Variants in COPG2 observed in about 807,000 individuals in gnomAD.
The protein encoded by COPG2 is coat protein complex I subunit gamma 2.
COPG2 carries 37 observed loss-of-function variants against 46.3 expected under a neutral mutation model. The observed-to-expected ratio is 0.80, with a 90% CI of 0.61 to 1.05. COPG2 has a LOEUF of 1.05. Among genes scored for constraint, COPG2 ranks in the 50% least tolerant of loss-of-function variants. COPG2 has a pLI of 0.00. For synonymous variants in COPG2, 159 were observed against 129.7 expected (o/e 1.23, Z -1.53); for missense variants, 427 against 387.8 (o/e 1.10, Z -0.85).
Position 130,611,067 on chromosome 7 carries a change from C to G in COPG2, c.623G>C (p.Arg208Pro). Residue 208 changes from arginine to proline, a missense_variant, in exon 9 of 24, where the codon CGA (arginine) becomes CCA (proline). Coordinates refer to ENST00000425248, the MANE Select transcript of COPG2 (RefSeq NM_012133.6). ...GVLYHLRKND[R>P]LAVSKMLNKF... Reference sequence around the variant, plus strand: ...ATTCAACATCTTGGAAACAGCAAGTCGATCATTCTTTCTAAGGTGATACAG... The same window carrying G: ...ATTCAACATCTTGGAAACAGCAAGTGGATCATTCTTTCTAAGGTGATACAG... 1 of 1,613,610 alleles carries G rather than the reference C, an allele frequency of 6.2e-7. No individual in the cohort carries two copies. The highest frequency in any genetic ancestry group is 8.5e-7 in the Non-Finnish European group (1 of 1,179,776).
At chr7:130,614,812 GGGAA>G (rs1794919167) in intron 6 of COPG2, among the ~76,000 whole-genome samples, 1 of 152,158 alleles carries the variant, frequency 6.6e-6, no homozygotes, top group Non-Finnish European at 1.5e-5. Context: ...ATATTTCATA[GGGAA>G]GTTGAAGATC....
chr7:130,533,986 T>TA (rs1554442525), intron 20 of COPG2, among the ~76,000 whole-genome samples: 3 of 119,860 alleles, frequency 2.5e-5, no homozygotes, highest in South Asian at 6.1e-4. Context: ...TGGGGTGGGG[T>TA]GGGGGGGGTG....
At chr7:130,652,288 A>C (rs11762817) in intron 5 of COPG2, among the ~76,000 whole-genome samples, 29,438 of 152,172 alleles carry the variant, frequency 0.19, 3,037 homozygotes, top group Middle Eastern at 0.25. Flanking sequence ...AAATGTTGCT[A>C]AATTACTTTC....
chr7:130,571,792 C>T lies in COPG2; in HGVS notation c.738-7399G>A, dbSNP rs551187867. On this transcript the variant is annotated intron_variant, in intron 9 of 23. Transcript: ENST00000425248. ...CACAATTGCAGAAATATGGAACCAGCCCAAATGCCCATCAATCAATAAGTA... is the reference window on the plus strand; with the variant it reads ...CACAATTGCAGAAATATGGAACCAGTCCAAATGCCCATCAATCAATAAGTA... 5.9e-5 allele frequency among the ~76,000 whole-genome samples: 9 copies of T among 152,136 alleles called. No individual in the cohort carries two copies. The East Asian group carries it at 1.5e-3, about 26-fold the overall frequency.
At chr7:130,653,174 C>A (rs1795782046) in intron 4 of COPG2, among the ~76,000 whole-genome samples, 1 of 152,036 alleles carries the variant, frequency 6.6e-6, no homozygotes, top group East Asian at 1.9e-4. Flanking sequence ...CTTAAAAATT[C>A]AATTATATGG....
chr7:130,666,975 T>A, intron 2 of COPG2, 46 bp from the exon 3 acceptor site: 1 of 1,005,544 alleles, frequency 9.9e-7, no homozygotes. Flanking sequence ...ACCTTTTCTA[T>A]CACAGATTAT....
chr7:130,528,276 T>C (rs2116355114), intron 20 of COPG2, among the ~76,000 whole-genome samples: 1 of 151,812 alleles, frequency 6.6e-6, no homozygotes, highest in South Asian at 2.1e-4. Flanking sequence ...AGGTAGGAAA[T>C]TCACAGGCGC....
At chr7:130,561,776 C>T (rs1035779481) in intron 11 of COPG2, among the ~76,000 whole-genome samples, 16 of 152,294 alleles carry the variant, frequency 1.1e-4, no homozygotes, top group African/African-American at 3.9e-4. Context: ...TCTGAAAACA[C>T]TCTGGAAAGC....
chr7:130,663,093 T>C, intron 3 of COPG2, 55 bp from the exon 4 acceptor site: 2 of 932,918 alleles, frequency 2.1e-6, no homozygotes, highest in Non-Finnish European at 3.2e-6. Flanking sequence ...TTCATATATA[T>C]GTACATATAC....
At chr7:130,573,122 T>A (rs1793936920) in intron 9 of COPG2, among the ~76,000 whole-genome samples, 1 of 151,396 alleles carries the variant, frequency 6.6e-6, no homozygotes, top group Non-Finnish European at 1.5e-5. Context: ...AATGGAAAAA[T>A]TCCTAGAAAT....
chr7:130,539,880 G>A (rs1041104707), intron 20 of COPG2, among the ~76,000 whole-genome samples: 1 of 152,216 alleles, frequency 6.6e-6, no homozygotes. Flanking sequence ...GGAGTGCTCA[G>A]GGCAGCCTGC....
At chr7:130,542,363 G>A (rs1378465561) in intron 20 of COPG2, among the ~76,000 whole-genome samples, 5 of 151,938 alleles carry the variant, frequency 3.3e-5, no homozygotes, top group African/African-American at 1.2e-4. Context: ...ATGGCGAGAC[G>A]ATGGAAGGCC....
chr7:130,593,417 A>T (rs1355917871), intron 9 of COPG2, among the ~76,000 whole-genome samples: 1 of 152,262 alleles, frequency 6.6e-6, no homozygotes, highest in African/African-American at 2.4e-5. Flanking sequence ...TCCCTGATGA[A>T]ATTATATAGA....
In COPG2 at chr7:130,655,821, T is replaced by C. The variant is rs569999893; in HGVS notation, c.244-2873A>G. On this transcript the variant is annotated intron_variant, in intron 4 of 23. Transcript: ENST00000425248. The stretch of plus-strand genomic sequence containing the variant: ...CTGTTATGTCATAAATTTTGTTTGA[T>C]TTTCTAGGTATTTATAGTAGCAGGG... Among the ~76,000 whole-genome samples the C allele has an allele frequency of 3.9e-5, 6 of 152,352 alleles. No individual in the cohort carries two copies. The South Asian group carries it at 1.2e-3, about 32-fold the overall frequency.
chr7:130,583,409 G>A (rs1318408680), intron 9 of COPG2, among the ~76,000 whole-genome samples: 1 of 147,896 alleles, frequency 6.8e-6, no homozygotes, highest in East Asian at 2.0e-4. Flanking sequence ...TGACGAGTTA[G>A]TGGGTGCAGT....
chr7:130,632,842 C>T (rs1795256815), intron 5 of COPG2, among the ~76,000 whole-genome samples: 1 of 151,856 alleles, frequency 6.6e-6, no homozygotes, highest in Non-Finnish European at 1.5e-5. Flanking sequence ...TTTGCTGCAC[C>T]CATCAACCTG....
Position 130,667,471 on chromosome 7 carries a change from C to T in COPG2, c.90+11G>A, listed in dbSNP as rs782730979. 5 of 1,611,016 alleles carry T rather than the reference C, an allele frequency of 3.1e-6. No homozygotes were observed. Among genetic ancestry groups the T allele is most frequent in the Non-Finnish European group, 4.2e-6 (5 of 1,177,396 alleles). The stretch of plus-strand genomic sequence containing the variant: ...AGAAAAGAAAGGGCACAAGATACTT[C>T]CCAGTCATACCTCCTGTAAAACAGC... On this transcript the variant is annotated intron_variant, in intron 2 of 23. Coordinates refer to ENST00000425248, the MANE Select transcript of COPG2 (RefSeq NM_012133.6).
chr7:130,609,824 T>C (rs1794806949), intron 9 of COPG2, among the ~76,000 whole-genome samples: 3 of 152,208 alleles, frequency 2.0e-5, no homozygotes, highest in Admixed American at 6.5e-5. Flanking sequence ...TGATATTGTA[T>C]TTTTTGGTTC....
intron 20 of COPG2, among the ~76,000 whole-genome samples, chr7:130,519,945 T>TTAAG (rs1291764941): frequency 6.6e-6 from 1 of 152,232 alleles, no homozygotes; most frequent in East Asian, 1.9e-4. Context: ...AATTTATTTC[T>TTAAG]TAAGTGACTG....
Sources: allele counts gnomAD v4.1 joint callset (sites outside exome capture counted in the v4.1 genomes callset), GRCh38; gene constraint gnomAD v4.1.1; transcripts MANE v1.5; gene names NCBI Gene and HGNC (gene_info 2026-07-23, HGNC 2026-07-21).